Variants in SMYD3 observed in about 807,000 individuals in gnomAD.
SMYD3 encodes the protein SET and MYND domain containing 3, also known as histone-lysine N-methyltransferase SMYD3.
SMYD3 carries 36 observed loss-of-function variants against 57.7 expected under a neutral mutation model. That is an observed-to-expected ratio of 0.62 (90% confidence interval 0.48 to 0.82). The LOEUF (loss-of-function observed/expected upper bound fraction) is 0.82. Ranked by LOEUF, SMYD3 falls within the 40% of genes least tolerant of loss-of-function variation. SMYD3 has a pLI of 0.00. For missense variants in SMYD3, 515 were observed against 538.8 expected (o/e 0.96, Z 0.44); for synonymous variants, 211 against 195.0 (o/e 1.08, Z -0.68).
At chr1:245,778,127 G>A (rs968827576) in intron 10 of SMYD3, among the ~76,000 whole-genome samples, 3 of 152,140 alleles carry the variant, frequency 2.0e-5, no homozygotes, top group African/African-American at 7.2e-5. Flanking sequence ...TAGTGAAACT[G>A]TAATAAAAAT....
At chr1:246,463,820 C>T (rs1406181852) in intron 1 of SMYD3, among the ~76,000 whole-genome samples, 2 of 102,364 alleles carry the variant, frequency 2.0e-5, no homozygotes, top group Non-Finnish European at 3.6e-5. Context: ...TGGGAGACGG[C>T]GAGACCCCGT....
chr1:245,822,087 C>G (rs538493821), intron 10 of SMYD3, among the ~76,000 whole-genome samples: 1 of 152,098 alleles, frequency 6.6e-6, no homozygotes, highest in Non-Finnish European at 1.5e-5. Context: ...GCTATAAAGA[C>G]ACATGCACAC....
intron 10 of SMYD3, among the ~76,000 whole-genome samples, chr1:245,768,881 CG>C: frequency 6.6e-6 from 1 of 151,844 alleles, no homozygotes; most frequent in East Asian, 1.9e-4. Flanking sequence ...TCCCAGCCTC[CG>C]GAACTGTGAG....
intron 1 of SMYD3, among the ~76,000 whole-genome samples, chr1:246,432,415 G>T (rs757670983): frequency 2.0e-5 from 3 of 152,200 alleles, no homozygotes; most frequent in Non-Finnish European, 2.9e-5. Context: ...TGGAGAGGTG[G>T]TGTTTGGTGC....
At chr1:246,186,174 AAC>A (rs1426104347) in intron 5 of SMYD3, among the ~76,000 whole-genome samples, 4 of 152,238 alleles carry the variant, frequency 2.6e-5, no homozygotes, top group Non-Finnish European at 5.9e-5. Context: ...AAATTAATAA[AAC>A]ACATATAAAA....
chr1:246,290,466 A>C (rs767933991), intron 5 of SMYD3, among the ~76,000 whole-genome samples: 1 of 152,198 alleles, frequency 6.6e-6, no homozygotes, highest in African/African-American at 2.4e-5. Flanking sequence ...TTCTTCATCA[A>C]TGAAGTGCAC....
In SMYD3 at chr1:245,885,346, T is replaced by C. The variant is rs2053030321; in HGVS notation, c.814-21460A>G. Among the ~76,000 whole-genome samples, 11 of 152,312 alleles carry C rather than the reference T, an allele frequency of 7.2e-5. No homozygotes were observed. The South Asian group carries it at 2.3e-3, about 32-fold the overall frequency. On this transcript the variant is annotated intron_variant, in intron 8 of 11. Coordinates refer to ENST00000490107, the MANE Select transcript of SMYD3 (RefSeq NM_001167740.2). ...ACCAATTCCGGACACACCACCATGT[T>C]GAACATGCCTGGCCCCCAGGTAGCC...
At chr1:245,817,247 C>A (rs1041560500) in intron 10 of SMYD3, among the ~76,000 whole-genome samples, 7 of 144,598 alleles carry the variant, frequency 4.8e-5, no homozygotes, top group African/African-American at 1.8e-4. Flanking sequence ...CCCCTGACCC[C>A]CGAGCAGCCT....
At chr1:246,173,469 G>C (rs2062378945) in intron 5 of SMYD3, among the ~76,000 whole-genome samples, 1 of 152,154 alleles carries the variant, frequency 6.6e-6, no homozygotes, top group Non-Finnish European at 1.5e-5. Context: ...TTAACCTTTT[G>C]ACTCTTGTAA....
intron 5 of SMYD3, among the ~76,000 whole-genome samples, chr1:245,969,644 T>C (rs559988441): frequency 2.7e-4 from 41 of 152,342 alleles, no homozygotes; most frequent in African/African-American, 8.9e-4. Flanking sequence ...CACGGATTCC[T>C]CTGCTGAAGA....
chr1:246,101,985 T>C (rs1485047534), intron 5 of SMYD3, among the ~76,000 whole-genome samples: 10 of 152,218 alleles, frequency 6.6e-5, no homozygotes, highest in Non-Finnish European at 1.5e-4. Flanking sequence ...AATCTATTCC[T>C]AAATGCTGAT....
chr1:246,165,911 A>G (rs1268067820), intron 5 of SMYD3, among the ~76,000 whole-genome samples: 2 of 152,130 alleles, frequency 1.3e-5, no homozygotes, highest in Non-Finnish European at 2.9e-5. Context: ...CAATGCAGAC[A>G]ATGCTGAATC....
chr1:246,036,539 CTTTT>C (rs59062672), intron 5 of SMYD3, among the ~76,000 whole-genome samples: 57,412 of 144,962 alleles, frequency 0.4, 13,062 homozygotes, highest in East Asian at 0.95. Context: ...TTCTTTCTCT[CTTTT>C]TTTTTTTTTT....
chr1:246,208,087 T>C (rs2063028185), intron 5 of SMYD3, among the ~76,000 whole-genome samples: 1 of 152,132 alleles, frequency 6.6e-6, no homozygotes, highest in African/African-American at 2.4e-5. Flanking sequence ...ATAGGTGAGA[T>C]TTGAAATTTG....
intron 1 of SMYD3, among the ~76,000 whole-genome samples, chr1:246,496,324 ACG>A (rs2068361230): frequency 6.6e-6 from 1 of 151,458 alleles, no homozygotes; most frequent in Non-Finnish European, 1.5e-5. Flanking sequence ...GTGAGCCACC[ACG>A]CCTGGCCAGT....
intron 7 of SMYD3, among the ~76,000 whole-genome samples, chr1:245,916,983 T>C (rs1248570941): frequency 6.7e-6 from 1 of 148,660 alleles, no homozygotes; most frequent in Non-Finnish European, 1.5e-5. Context: ...TGTTTTTTAC[T>C]AATTTGGTAA....
intron 1 of SMYD3, among the ~76,000 whole-genome samples, chr1:246,446,719 G>C (rs1203145993): frequency 6.6e-6 from 1 of 152,112 alleles, no homozygotes; most frequent in Non-Finnish European, 1.5e-5. Context: ...ATTACTGCAG[G>C]AACACGGTAA....
chr1:245,941,787 T>C (rs1017396599), intron 5 of SMYD3, among the ~76,000 whole-genome samples: 3 of 152,184 alleles, frequency 2.0e-5, no homozygotes, highest in Non-Finnish European at 1.5e-5. Flanking sequence ...CCTCCCAAAG[T>C]GCTGGGATTA....
At chr1:246,150,037 A>C (rs983011732) in intron 5 of SMYD3, among the ~76,000 whole-genome samples, 1 of 152,246 alleles carries the variant, frequency 6.6e-6, no homozygotes, top group East Asian at 1.9e-4. Context: ...AGAGAAAGAA[A>C]TTCTGTTTTT....
Sources: allele counts gnomAD v4.1 joint callset (sites outside exome capture counted in the v4.1 genomes callset), GRCh38; gene constraint gnomAD v4.1.1; transcripts MANE v1.5; gene names NCBI Gene and HGNC (gene_info 2026-07-23, HGNC 2026-07-21).